The following ACYP2 variants were observed in gnomAD, a reference collection of about 807,000 sequenced individuals.
ACYP2 encodes acylphosphatase 2.
In ACYP2, 12 loss-of-function variants were observed where a neutral mutation model predicts 11.2. That is an observed-to-expected ratio of 1.08 (90% CI 0.69 to 1.74). The LOEUF is 1.74. Among genes scored for constraint, ACYP2 ranks in the 40% most tolerant of loss-of-function variants. The pLI, the probability that ACYP2 is intolerant of heterozygous loss-of-function variation, is 0.00. For missense variants in ACYP2, 134 were observed against 101.9 expected (o/e 1.31, Z -1.35); for synonymous variants, 43 against 32.2 (o/e 1.33, Z -1.13).
intron 2 of ACYP2, among the ~76,000 whole-genome samples, chr2:54,033,906 C>G (rs1271405556): frequency 6.6e-6 from 1 of 152,152 alleles, no homozygotes; most frequent in African/African-American, 2.4e-5. Flanking sequence ...TACATGCTGT[C>G]AAGACCAAAT....
intron 4 of ACYP2, among the ~76,000 whole-genome samples, chr2:54,110,279 G>A (rs1241933749): frequency 6.6e-6 from 1 of 151,948 alleles, no homozygotes; most frequent in Non-Finnish European, 1.5e-5. Flanking sequence ...TAAATCAAGC[G>A]CCAAATATTA....
chr2:54,216,672 G>C (rs1207159451), intron 6 of ACYP2, among the ~76,000 whole-genome samples: 2 of 151,924 alleles, frequency 1.3e-5, no homozygotes, highest in Non-Finnish European at 2.9e-5. Flanking sequence ...TGAGTAGCTG[G>C]GACTACAGAC....
chr2:54,280,694 G>A (rs143502600), intron 6 of ACYP2, among the ~76,000 whole-genome samples: 1 of 152,222 alleles, frequency 6.6e-6, no homozygotes, highest in Non-Finnish European at 1.5e-5. Flanking sequence ...TAGCAACTTG[G>A]TGGTCTGTGA....
At chr2:54,282,214 A>G (rs374239811) in intron 6 of ACYP2, among the ~76,000 whole-genome samples, 79 of 152,242 alleles carry the variant, frequency 5.2e-4, no homozygotes, top group African/African-American at 1.3e-3. Context: ...TCAAAGAATA[A>G]AAATATTATT....
chr2:54,201,606 T>TTCTTTCTTTCTTTC (rs1684783938), intron 6 of ACYP2, among the ~76,000 whole-genome samples: 1 of 86,118 alleles, frequency 1.2e-5, no homozygotes, highest in East Asian at 1.2e-3. Flanking sequence ...CTTTCTTTCT[T>TTCTTTCTTTCTTTC]TCTTTCTTTC....
Position 54,097,841 on chromosome 2 carries a change from C to A in ACYP2, c.278-37612C>A, listed in dbSNP as rs180868505. Among the ~76,000 whole-genome samples the A allele has an allele frequency of 3.2e-3, 470 of 149,008 alleles. 1 individual carries two copies. Among genetic ancestry groups the A allele is most frequent in the Non-Finnish European group, 4.8e-3 (321 of 67,054 alleles). The stretch of plus-strand genomic sequence containing the variant: ...ATTATACCTAATGAATTAACAATTT[C>A]TTTTATTTTCTTCTTTCTTTCTTTC... On this transcript the variant is annotated intron_variant, in intron 4 of 6. Transcript: ENST00000607452.
At chr2:54,033,046 A>G (rs1198180926) in intron 2 of ACYP2, among the ~76,000 whole-genome samples, 7 of 152,188 alleles carry the variant, frequency 4.6e-5, no homozygotes, top group Admixed American at 4.6e-4. Context: ...TAGGCAGTTT[A>G]TGAGGATTAA....
At chr2:53,993,612 G>A (rs374787132) in intron 2 of ACYP2, among the ~76,000 whole-genome samples, 2 of 151,666 alleles carry the variant, frequency 1.3e-5, no homozygotes, top group South Asian at 2.1e-4. Context: ...CACAAGAATC[G>A]CTTGAACCTG....
chr2:54,127,750 CAAAAAA>C (rs3068999), intron 4 of ACYP2, among the ~76,000 whole-genome samples: 7 of 90,484 alleles, frequency 7.7e-5, no homozygotes, highest in African/African-American at 1.5e-4. Context: ...GAGACTGTCT[CAAAAAA>C]AAAAAAAAAA....
At chr2:54,047,663 A>AC (rs1464122803) in intron 2 of ACYP2, among the ~76,000 whole-genome samples, 15 of 152,036 alleles carry the variant, frequency 9.9e-5, no homozygotes, top group Non-Finnish European at 2.1e-4. Context: ...TTGACTGAAT[A>AC]CCCCCCATTA....
chr2:54,088,219 G>A (rs2103676509), intron 4 of ACYP2, among the ~76,000 whole-genome samples: 1 of 152,320 alleles, frequency 6.6e-6, no homozygotes, highest in African/African-American at 2.4e-5. Flanking sequence ...GCAAAGTAAT[G>A]TGTTTTCCCC....
chr2:54,028,004 G>A (rs199523009), intron 2 of ACYP2, among the ~76,000 whole-genome samples: 85 of 151,644 alleles, frequency 5.6e-4, no homozygotes, highest in African/African-American at 1.8e-3. Context: ...CACCACACCC[G>A]GCTAATTTTT....
chr2:54,048,121 T>A (rs1326963617), intron 2 of ACYP2, among the ~76,000 whole-genome samples: 2 of 152,188 alleles, frequency 1.3e-5, no homozygotes, highest in African/African-American at 4.8e-5. Context: ...TTATATATAT[T>A]TTTTGTAATA....
intron 4 of ACYP2, among the ~76,000 whole-genome samples, chr2:54,076,519 A>G (rs1016677908): frequency 6.6e-6 from 1 of 152,214 alleles, no homozygotes; most frequent in Non-Finnish European, 1.5e-5. Flanking sequence ...CCAGACAATA[A>G]TGTACTAAAA....
intron 2 of ACYP2, among the ~76,000 whole-genome samples, chr2:54,033,832 G>T (rs982702796): frequency 3.9e-5 from 6 of 152,192 alleles, no homozygotes; most frequent in Non-Finnish European, 7.4e-5. Flanking sequence ...CAGAAATAAA[G>T]AAAGAACATA....
intron 6 of ACYP2, among the ~76,000 whole-genome samples, chr2:54,194,676 A>G (rs1001457437): frequency 1.3e-5 from 2 of 152,052 alleles, no homozygotes; most frequent in East Asian, 3.9e-4. Context: ...TCTCTTTAAT[A>G]TATTTACAAG....
At chr2:54,233,172 CTT>C (rs1044101185) in intron 6 of ACYP2, among the ~76,000 whole-genome samples, 7 of 151,828 alleles carry the variant, frequency 4.6e-5, no homozygotes, top group African/African-American at 1.7e-4. Context: ...TTAAAAACAA[CTT>C]TAGCTATAAT....
chr2:54,083,008 T>A (rs1410608434), intron 4 of ACYP2, among the ~76,000 whole-genome samples: 1 of 150,740 alleles, frequency 6.6e-6, no homozygotes, highest in Non-Finnish European at 1.5e-5. Context: ...TGGGAGGCAG[T>A]GATTGTAGTG....
intron 6 of ACYP2, among the ~76,000 whole-genome samples, chr2:54,209,637 A>G (rs1014458662): frequency 4.6e-5 from 7 of 152,184 alleles, no homozygotes; most frequent in Non-Finnish European, 8.8e-5. Context: ...GCACCGTCCT[A>G]TCTCTTCAGA....
Sources: allele counts gnomAD v4.1 joint callset (sites outside exome capture counted in the v4.1 genomes callset), GRCh38; gene constraint gnomAD v4.1.1; transcripts MANE v1.5; gene names NCBI Gene and HGNC (gene_info 2026-07-23, HGNC 2026-07-21).